P2RX6: variants seen among roughly 807,000 people sequenced by gnomAD.
The protein encoded by P2RX6 is purinergic receptor P2X 6, also known as P2X purinoceptor 6.
Under a neutral mutation model 54.2 loss-of-function variants are expected in P2RX6, and 62 were observed. That is an observed-to-expected ratio of 1.14 (90% CI 0.93 to 1.41). The LOEUF is 1.41. P2RX6 is among the 40% of genes most tolerant of loss of function. P2RX6 has a pLI of 0.00. For missense variants in P2RX6, 541 were observed against 566.3 expected (o/e 0.96, Z 0.45); for synonymous variants, 211 against 231.9 (o/e 0.91, Z 0.82).
chr22:21,026,355 C>G lies in P2RX6; in HGVS notation c.1128+26C>G. ...GTGAGCTGAGGTCGCTCTGCTTGGA[C>G]CCTGGGTTCTGCCACACTTAGGAAG... On this transcript the variant is annotated intron_variant, in intron 11 of 11. Transcript: ENST00000413302. This position sits in a 1 kb window ranked among gnomAD's most constrained non-coding sequence, Gnocchi z 4.0. 6.3e-7 allele frequency: 1 copy of G among 1,592,296 alleles called. No individual in the cohort carries two copies. Among genetic ancestry groups the G allele is most frequent in the South Asian group, 1.1e-5 (1 of 87,222 alleles).
At chr22:21,018,797 A>C (rs1250068113) in intron 3 of P2RX6, 1 of 129,286 alleles carries the variant, frequency 7.7e-6, no homozygotes. Flanking sequence ...TTTTTTTTGT[A>C]TTTTTAGTGG....
intron 8 of P2RX6, among the ~76,000 whole-genome samples, chr22:21,025,288 G>A (rs1430465266): frequency 6.6e-6 from 1 of 151,692 alleles, no homozygotes; most frequent in African/African-American, 2.4e-5. Context: ...AGGCACACAC[G>A]ACCACCAGGC....
Position 21,023,183 on chromosome 22 carries a change from A to G in P2RX6, c.623A>G (p.Lys208Arg), listed in dbSNP as rs1329949509. The change falls in exon 6 of 12, where the codon AAG becomes AGG. Residue 208 changes from lysine to arginine, a missense_variant. Lys to Arg is a conservative substitution (Grantham distance 26). This residue lies in a region of P2RX6 where 526 missense variants were observed against 531.5 expected (regional missense o/e 0.99). Transcript: ENST00000413302. ...ATCAAAAACACAGTCACCTTCAGCAAGTTCAACTTCTCTAAGTAAGCAGAG... is the reference window on the plus strand; with the variant it reads ...ATCAAAAACACAGTCACCTTCAGCAGGTTCAACTTCTCTAAGTAAGCAGAG... ...LFIKNTVTFS[K>R]FNFSKSNALE... 2 of 1,613,820 alleles carry G rather than the reference A, an allele frequency of 1.2e-6. No individual in the cohort carries two copies. Among genetic ancestry groups the G allele is most frequent in the Non-Finnish European group, 1.7e-6 (2 of 1,179,888 alleles).
At chr22:21,011,098 G>A (rs62240968), upstream of P2RX6, among the ~76,000 whole-genome samples, 41,274 of 151,514 alleles carry the variant, frequency 0.27, 6,608 homozygotes, top group Admixed American at 0.38. Flanking sequence ...GAATGATATT[G>A]TTAACATTGT....
chr22:21,019,729 A>G (rs1266316114), intron 3 of P2RX6, among the ~76,000 whole-genome samples: 1 of 152,264 alleles, frequency 6.6e-6, no homozygotes, highest in Non-Finnish European at 1.5e-5. Flanking sequence ...ACAGCCTCGA[A>G]CAGATTTACC....
At chr22:21,023,738 T>C in intron 8 of P2RX6, 120 bp downstream of exon 8, 1 of 713,488 alleles carries the variant, frequency 1.4e-6, no homozygotes, top group Non-Finnish European at 2.4e-6. Context: ...TGCAAGGGGG[T>C]CCCAGGAGCA....
Position 21,015,322 on chromosome 22 carries a change from G to A in P2RX6, c.148G>A (p.Val50Met), listed in dbSNP as rs114032598. Reference sequence around the variant, plus strand: ...GCAGAGGCTGCTGCAGTTTGGGATCGTGGTCTATGTGGTAGGGTAAGAGAG... The same window carrying A: ...GCAGAGGCTGCTGCAGTTTGGGATCATGGTCTATGTGGTAGGGTAAGAGAG... ...ALQRLLQFGIVVYVVGWALLA... is the reference protein window; with the variant it reads ...ALQRLLQFGIMVYVVGWALLA... The change falls in exon 1 of 12, where the codon GTG becomes ATG. Residue 50 changes from valine to methionine, a missense_variant. Physicochemically the swap from Val to Met is conservative, Grantham distance 21. This residue lies in a region of P2RX6 where 526 missense variants were observed against 531.5 expected (regional missense o/e 0.99). Coordinates refer to ENST00000413302, the MANE Select transcript of P2RX6 (RefSeq NM_005446.5). 5.2e-4 allele frequency: 812 copies of A among 1,562,034 alleles called. 3 individuals carry two copies. In the African/African-American group the frequency reaches 0.01, roughly 20 times the overall value.
chr22:21,022,741 A>C lies in P2RX6; in HGVS notation c.453A>C (p.Thr151=), dbSNP rs1927636102. The change falls in exon 4 of 12, where the codon ACA becomes ACC. Residue 151 remains threonine (T), a synonymous_variant. Transcript: ENST00000413302. ...DEDCPEGEGG[T]HSHGVKTGQC... is the part of the protein sequence containing the mutation. ...ACTGCCCCGAAGGGGAGGGAGGCAC[A>C]CACAGCCACGGTAACTGTGGGCTCT... The C allele has an allele frequency of 1.3e-6, 2 of 1,573,926 alleles. No individual in the cohort carries two copies. Among genetic ancestry groups the C allele is most frequent in the South Asian group, 2.4e-5 (2 of 83,868 alleles).
Position 21,027,475 on chromosome 22 carries a change from T to C in P2RX6, c.*858T>C, listed in dbSNP as rs1279021214. On this transcript the variant is annotated 3_prime_UTR_variant, in exon 12 of 12. Coordinates refer to ENST00000413302, the MANE Select transcript of P2RX6 (RefSeq NM_005446.5). The stretch of plus-strand genomic sequence containing the variant: ...GTGGGAGGCTGTGGGAGGCTGTACA[T>C]CTGAAATTCACTTCAGTCCAAGTCA... 6.6e-6 allele frequency: 1 copy of C among 152,214 alleles called. No homozygotes were observed. Among genetic ancestry groups the C allele is most frequent in the Non-Finnish European group, 1.5e-5 (1 of 68,174 alleles). The allele number at this position is 152,214 out of a possible 1,614,324, so 9.4% of individuals were successfully genotyped here.
At chr22:21,010,387 A>T (rs1925672576), upstream of P2RX6, 1 of 152,196 alleles carries the variant, frequency 6.6e-6, no homozygotes, top group Admixed American at 6.5e-5. Context: ...GACTCCCAGT[A>T]GTAATTTTTT....
chr22:21,014,272 A>G (rs1165321524), upstream of P2RX6: 1 of 152,656 alleles, frequency 6.6e-6, no homozygotes, highest in African/African-American at 2.4e-5. Context: ...TTGGCGCCTC[A>G]CTTAGAGCGC....
chr22:21,023,206 G>C lies in P2RX6; in HGVS notation c.638+8G>C. On this transcript the variant is annotated splice_region_variant and intron_variant, in intron 6 of 11. Coordinates refer to ENST00000413302, the MANE Select transcript of P2RX6 (RefSeq NM_005446.5). ...CAAGTTCAACTTCTCTAAGTAAGCAGAGTGGGTCTCATCTGCCCCAAGACC... is the reference window on the plus strand; with the variant it reads ...CAAGTTCAACTTCTCTAAGTAAGCACAGTGGGTCTCATCTGCCCCAAGACC... The C allele has an allele frequency of 1.9e-6, 3 of 1,613,838 alleles. No homozygotes were observed. Among genetic ancestry groups the C allele is most frequent in the Non-Finnish European group, 2.5e-6 (3 of 1,179,760 alleles).
Position 21,026,119 on chromosome 22 carries a change from C to G in P2RX6, c.1050+43C>G. On this transcript the variant is annotated intron_variant, in intron 10 of 11. Transcript: ENST00000413302. This position sits in a 1 kb window ranked among gnomAD's most constrained non-coding sequence, Gnocchi z 4.0. ...GGGCACCTGCAGGCTGCAGTGAGTG[C>G]TGCTGACCAGGGTGTGTCCAATGCA... 1 of 1,579,064 alleles carries G rather than the reference C, an allele frequency of 6.3e-7. No individual in the cohort carries two copies. Among genetic ancestry groups the G allele is most frequent in the Non-Finnish European group, 8.6e-7 (1 of 1,159,964 alleles).
At chr22:21,018,707 G>A (rs1926850784) in intron 3 of P2RX6, 1 of 152,650 alleles carries the variant, frequency 6.6e-6, no homozygotes, top group African/African-American at 2.4e-5. Flanking sequence ...CTGCCTCTCA[G>A]GTTCACGCCA....
rs1006306855 is a variant in P2RX6, at chr22:21,026,184, G to A, written c.1051-68G>A. The A allele has an allele frequency of 6.5e-6, 10 of 1,536,316 alleles. No individual in the cohort carries two copies. The highest frequency in any genetic ancestry group is 1.2e-5 in the South Asian group (1 of 84,656). On this transcript the variant is annotated intron_variant, in intron 10 of 11. Coordinates refer to ENST00000413302, the MANE Select transcript of P2RX6 (RefSeq NM_005446.5). The surrounding 1 kb of genome is among the most constrained non-coding windows in gnomAD (Gnocchi z 4.0). ...GTGCCTGCACATTGAGTCTCGGGGT[G>A]CAGGCTGGGGAGGTGGCAGGAGAGC...
chr22:21,024,664 G>T (rs1161822221), intron 8 of P2RX6, among the ~76,000 whole-genome samples: 1 of 152,032 alleles, frequency 6.6e-6, no homozygotes, highest in Non-Finnish European at 1.5e-5. Context: ...TCTGCCTCCT[G>T]GGTTCAGGTG....
intron 8 of P2RX6, among the ~76,000 whole-genome samples, chr22:21,025,171 G>A (rs1928204726): frequency 6.6e-6 from 1 of 152,160 alleles, no homozygotes; most frequent in African/African-American, 2.4e-5. Flanking sequence ...GTGAGCCACT[G>A]TGCCTGGCCT....
intron 3 of P2RX6, 115 bp downstream of exon 3, chr22:21,018,175 T>C: frequency 1.4e-6 from 1 of 732,544 alleles, no homozygotes. Context: ...CTGTGCTCGG[T>C]GTCCCCCAGG....
Position 21,026,492 on chromosome 22 carries a change from G to A in P2RX6, c.1201G>A (p.Glu401Lys), listed in dbSNP as rs750786718. The stretch of plus-strand genomic sequence containing the variant: ...CCTTGCATCCCAAGCCCGACTGGCC[G>A]AGTGCCTCAGACGGAGCTCAGCACC... Reference protein sequence around the residue: ...LALASQARLAECLRRSSAPAP... With the variant: ...LALASQARLAKCLRRSSAPAP... The change falls in exon 12 of 12, where the codon GAG becomes AAG. Residue 401 changes from glutamate to lysine, a missense_variant. Around this residue, in one of 2 missense-constraint regions of P2RX6, gnomAD observed 526 missense variants for 531.5 expected, o/e 0.99. Coordinates refer to ENST00000413302, the MANE Select transcript of P2RX6 (RefSeq NM_005446.5). This position sits in a 1 kb window ranked among gnomAD's most constrained non-coding sequence, Gnocchi z 4.0. The A allele has an allele frequency of 2.8e-5, 45 of 1,598,704 alleles. 1 individual carries two copies. The Middle Eastern group carries it at 1.3e-3, about 47-fold the overall frequency.
Sources: gnomAD v4.1 joint callset for allele counts (sites outside exome capture counted in the v4.1 genomes callset) on GRCh38, gnomAD v4.1.1 for gene constraint, gnomAD v4.1.1 regional missense constraint, Gnocchi (gnomAD v3.1) non-coding constraint, MANE v1.5 for transcripts, NCBI Gene and HGNC (gene_info 2026-07-23, HGNC 2026-07-21) for gene names.